The following LDLRAD4 variants were observed in gnomAD, a reference collection of about 807,000 sequenced individuals.
LDLRAD4 encodes low-density lipoprotein receptor class A domain-containing protein 4.
A neutral mutation model predicts 17.0 loss-of-function variants in LDLRAD4; 5 were observed. That is an observed-to-expected ratio of 0.29 (90% CI 0.15 to 0.62). The LOEUF is 0.62. Ranked by LOEUF, LDLRAD4 falls within the 20% of genes least tolerant of loss-of-function variation. The pLI is 0.84. For synonymous variants in LDLRAD4, 168 were observed against 171.8 expected, an observed-to-expected ratio of 0.98 and a Z score of 0.17; for missense variants, 340 against 424.7, an observed-to-expected ratio of 0.80 and a Z score of 1.75.
rs190100483 is a variant in LDLRAD4, at chr18:13,253,359, G to A, written c.-466-24746G>A. ...ATGTGCTCAGGCTGTTGACTGAAGG[G>A]TGTTGCTCACTCTTTTTTAAGAAGC... is the stretch of plus-strand genomic sequence containing the variant. On this transcript the variant is annotated intron_variant, in intron 1 of 5. Coordinates refer to the LDLRAD4 transcript ENST00000399848. Among the ~76,000 whole-genome samples the A allele has an allele frequency of 4.6e-5, 7 of 152,296 alleles. No homozygotes were observed. In the East Asian group the frequency reaches 1.2e-3, roughly 25 times the overall value.
intron 1 of LDLRAD4, among the ~76,000 whole-genome samples, chr18:13,226,875 C>T (rs2041838430): frequency 6.6e-6 from 1 of 152,180 alleles, no homozygotes. Flanking sequence ...CCAGCCTCCT[C>T]ATCCTCCCTC....
chr18:13,346,212 A>G (rs1342066920), intron 1 of LDLRAD4, among the ~76,000 whole-genome samples: 2 of 152,028 alleles, frequency 1.3e-5, no homozygotes, highest in East Asian at 1.9e-4. Flanking sequence ...TCTTGTGGGC[A>G]TTTAGTGCTA....
chr18:13,446,138 A>G (rs1438002901), intron 3 of LDLRAD4, among the ~76,000 whole-genome samples: 1 of 152,090 alleles, frequency 6.6e-6, no homozygotes, highest in Non-Finnish European at 1.5e-5. Context: ...CCGAGTGCTC[A>G]CTGTTTACAT....
chr18:13,605,334 C>T (rs2095212433), intron 3 of LDLRAD4, among the ~76,000 whole-genome samples: 1 of 152,256 alleles, frequency 6.6e-6, no homozygotes, highest in African/African-American at 2.4e-5. Flanking sequence ...CCTCCTGCTT[C>T]AGCCTCCGGA....
exon 6 of LDLRAD4, chr18:13,647,009 G>A (rs1349321900): frequency 6.6e-6 from 1 of 152,110 alleles, no homozygotes; most frequent in African/African-American, 2.4e-5. Flanking sequence ...TATGTCACTA[G>A]TATTAGCATA....
chr18:13,637,352 C>G (rs1029960843), intron 4 of LDLRAD4, among the ~76,000 whole-genome samples: 1 of 151,956 alleles, frequency 6.6e-6, no homozygotes, highest in Non-Finnish European at 1.5e-5. Flanking sequence ...AACCAAGTAG[C>G]CAGAGCCAGA....
At chr18:13,358,807 A>T (rs1440574752) in intron 1 of LDLRAD4, among the ~76,000 whole-genome samples, 6 of 152,190 alleles carry the variant, frequency 3.9e-5, no homozygotes, top group Non-Finnish European at 8.8e-5. Context: ...CATCCATATT[A>T]TTAAAAATCA....
chr18:13,276,652 C>A (rs2044886636), upstream of LDLRAD4, among the ~76,000 whole-genome samples: 1 of 152,226 alleles, frequency 6.6e-6, no homozygotes, highest in Non-Finnish European at 1.5e-5. Flanking sequence ...CCAAGTGGCC[C>A]CTCACAGGCC....
chr18:13,255,538 T>C (rs1338424291), intron 1 of LDLRAD4, among the ~76,000 whole-genome samples: 1 of 152,068 alleles, frequency 6.6e-6, no homozygotes, highest in African/African-American at 2.4e-5. Flanking sequence ...TGTGAACATA[T>C]GTGTGGGTAT....
intron 1 of LDLRAD4, among the ~76,000 whole-genome samples, chr18:13,293,757 C>T (rs993064535): frequency 2.6e-5 from 4 of 152,222 alleles, no homozygotes; most frequent in Non-Finnish European, 5.9e-5. Flanking sequence ...TTTCAGGTGG[C>T]AGTTTTATCT....
At chr18:13,361,693 A>C (rs892600297) in intron 1 of LDLRAD4, among the ~76,000 whole-genome samples, 1 of 152,142 alleles carries the variant, frequency 6.6e-6, no homozygotes, top group East Asian at 1.9e-4. Context: ...GCTGGAGGTG[A>C]GGCCGTGCTG....
intron 3 of LDLRAD4, among the ~76,000 whole-genome samples, chr18:13,457,991 C>G (rs367763454): frequency 6.6e-6 from 1 of 152,190 alleles, no homozygotes; most frequent in South Asian, 2.1e-4. Flanking sequence ...TGTATCCCAG[C>G]ACCATGGTGG....
chr18:13,507,927 T>TCAAACCAGCCACAACA (rs2093720086), intron 3 of LDLRAD4, among the ~76,000 whole-genome samples: 5 of 152,066 alleles, frequency 3.3e-5, no homozygotes, highest in African/African-American at 1.2e-4. Flanking sequence ...GGAAGGCAGG[T>TCAAACCAGCCACAACA]TGAAAGCCTG....
intron 3 of LDLRAD4, among the ~76,000 whole-genome samples, chr18:13,453,438 C>G (rs570400027): frequency 6.6e-6 from 1 of 152,190 alleles, no homozygotes; most frequent in South Asian, 2.1e-4. Context: ...TCCGCTACTC[C>G]GTAGTGACCT....
intron 1 of LDLRAD4, among the ~76,000 whole-genome samples, chr18:13,387,103 C>G (rs2085896744): frequency 6.6e-6 from 1 of 152,204 alleles, no homozygotes; most frequent in South Asian, 2.1e-4. Context: ...TGAGTTTCTT[C>G]CCCGAGGTGT....
intron 1 of LDLRAD4, among the ~76,000 whole-genome samples, chr18:13,377,156 CCT>C (rs1320122933): frequency 1.3e-5 from 2 of 152,228 alleles, no homozygotes; most frequent in Non-Finnish European, 2.9e-5. Context: ...CCCAAGAGCT[CCT>C]CTGTCACACT....
chr18:13,324,741 G>C (rs1291992751), intron 1 of LDLRAD4, among the ~76,000 whole-genome samples: 1 of 152,160 alleles, frequency 6.6e-6, no homozygotes, highest in Non-Finnish European at 1.5e-5. Flanking sequence ...TGCCAGGGTT[G>C]AGGGAAAAAG....
chr18:13,478,152 C>T (rs1461829237), intron 3 of LDLRAD4, among the ~76,000 whole-genome samples: 1 of 152,214 alleles, frequency 6.6e-6, no homozygotes, highest in Admixed American at 6.5e-5. Context: ...CTGCTTTCCC[C>T]CAGACCCTCT....
At chr18:13,619,916 A>G (rs1230070245) in intron 3 of LDLRAD4, among the ~76,000 whole-genome samples, 1 of 151,890 alleles carries the variant, frequency 6.6e-6, no homozygotes, top group Non-Finnish European at 1.5e-5. Context: ...TCAAGACACC[A>G]GCGCCTCTCC....
Sources: allele counts gnomAD v4.1 joint callset (sites outside exome capture counted in the v4.1 genomes callset), GRCh38; gene constraint gnomAD v4.1.1; transcripts MANE v1.5; gene names NCBI Gene and HGNC (gene_info 2026-07-23, HGNC 2026-07-21).